Variants in DMD observed in about 807,000 individuals in gnomAD.
DMD encodes mutant dystrophin.
Under a neutral mutation model 330.1 loss-of-function variants are expected in DMD, and 63 were observed. The ratio of observed to expected loss-of-function variants is 0.19; its 90% CI spans 0.16 to 0.24. The LOEUF (loss-of-function observed/expected upper bound fraction) is 0.24. Among genes scored for constraint, DMD ranks in the 10% least tolerant of loss-of-function variants. The pLI, the probability that DMD is intolerant of heterozygous loss-of-function variation, is 1.00. For synonymous variants in DMD, 1,223 were observed against 959.8 expected (o/e 1.27, Z -5.07); for missense variants, 3,344 against 2,684.1 (o/e 1.25, Z -5.43).
chrX:33,199,077 G>GTGTTT (rs1369801085), intron 1 of DMD, among the ~76,000 whole-genome samples: 3 of 111,350 alleles, frequency 2.7e-5, no homozygotes, highest in Admixed American at 9.6e-5. Context: ...ATTTTTAAAT[G>GTGTTT]TGTTTTGTTT....
At chrX:32,860,027 T>C (rs1232335031) in intron 2 of DMD, among the ~76,000 whole-genome samples, 1 of 111,672 alleles carries the variant, frequency 9.0e-6, no homozygotes, top group Non-Finnish European at 1.9e-5. Flanking sequence ...TATATTGTCT[T>C]TGTTAACCCA....
chrX:32,727,250 G>T (rs1038134015), intron 7 of DMD, among the ~76,000 whole-genome samples: 3 of 111,444 alleles, frequency 2.7e-5, no homozygotes, highest in African/African-American at 9.7e-5. Context: ...GATTGGCTTA[G>T]ATTACACATT....
rs1208623169 is a variant in DMD, at chrX:31,679,590, G to A, written c.7661-4C>T. 4 of 1,194,878 alleles carry A rather than the reference G, an allele frequency of 3.3e-6. No homozygotes were observed. In the Admixed American group the frequency reaches 8.7e-5, roughly 26 times the overall value. Reference sequence around the variant, plus strand: ...CACTGATTCTGAATTCTTTCAACTAGAATAAAAGGAAAAATAAATATATAG... The same window carrying A: ...CACTGATTCTGAATTCTTTCAACTAAAATAAAAGGAAAAATAAATATATAG... On this transcript the variant is annotated splice_region_variant and splice_polypyrimidine_tract_variant and intron_variant, in intron 52 of 78. Coordinates refer to ENST00000357033, the MANE Select transcript of DMD (RefSeq NM_004006.3).
intron 41 of DMD, among the ~76,000 whole-genome samples, chrX:32,331,374 C>T (rs2097678737): frequency 9.0e-6 from 1 of 111,277 alleles, no homozygotes; most frequent in Admixed American, 9.6e-5. Flanking sequence ...TCATCTGATG[C>T]TAAAAATGAG....
intron 20 of DMD, among the ~76,000 whole-genome samples, chrX:32,487,375 T>A (rs1176477406): frequency 9.0e-6 from 1 of 111,530 alleles, no homozygotes; most frequent in African/African-American, 3.3e-5. Flanking sequence ...TACTTGAGGG[T>A]TAGTTACTAT....
chrX:31,810,419 T>G (rs1193863534), intron 50 of DMD, among the ~76,000 whole-genome samples: 2 of 111,984 alleles, frequency 1.8e-5, no homozygotes, highest in Non-Finnish European at 1.9e-5. Flanking sequence ...ACAGTAAGCA[T>G]AAATGTATTT....
chrX:31,940,097 G>C lies in DMD; in HGVS notation c.6615-7870C>G, dbSNP rs1371355095. Among the ~76,000 whole-genome samples, 7 of 111,609 alleles carry C rather than the reference G, an allele frequency of 6.3e-5. No homozygotes were observed. In the Admixed American group the frequency reaches 6.7e-4, roughly 11 times the overall value. Reference sequence around the variant, plus strand: ...GATTGGGAGGAAGGGGAGGCAGACAGTAAACAAGATAAAGAAATAAAATCT... The same window carrying C: ...GATTGGGAGGAAGGGGAGGCAGACACTAAACAAGATAAAGAAATAAAATCT... On this transcript the variant is annotated intron_variant, in intron 45 of 78. Coordinates refer to ENST00000357033, the MANE Select transcript of DMD (RefSeq NM_004006.3).
At chrX:32,251,314 G>A (rs776804241) in intron 43 of DMD, among the ~76,000 whole-genome samples, 2 of 111,299 alleles carry the variant, frequency 1.8e-5, no homozygotes, top group African/African-American at 6.5e-5. Flanking sequence ...GGTATCCCAC[G>A]TATGTATCTT....
At chrX:32,687,013 G>C (rs2062932037) in intron 9 of DMD, among the ~76,000 whole-genome samples, 1 of 112,060 alleles carries the variant, frequency 8.9e-6, no homozygotes, top group African/African-American at 3.2e-5. Flanking sequence ...AGAGGTTTCA[G>C]TGTCTACTTA....
intron 43 of DMD, among the ~76,000 whole-genome samples, chrX:32,239,848 TTCTATAGTC>T (rs1294453481): frequency 8.9e-6 from 1 of 112,095 alleles, no homozygotes; most frequent in Admixed American, 9.5e-5. Context: ...AAATACCACC[TTCTATAGTC>T]TCTTGTTCTT....
rs774922745 is a variant in DMD at position 31,163,260 on chromosome X, T to G, written c.10553+6183A>C. Among the ~76,000 whole-genome samples the G allele has an allele frequency of 1.5e-4, 17 of 111,197 alleles. No homozygotes were observed. In the South Asian group the frequency reaches 6.6e-3, roughly 43 times the overall value. On this transcript the variant is annotated intron_variant, in intron 74 of 78. Transcript: ENST00000357033. ...ATGGGGGTGGGGTTTTCCCATGCTGTTTTTGTGATAGTAACTCTCATGAGA... is the reference window on the plus strand; with the variant it reads ...ATGGGGGTGGGGTTTTCCCATGCTGGTTTTGTGATAGTAACTCTCATGAGA...
intron 1 of DMD, among the ~76,000 whole-genome samples, chrX:33,119,441 T>A (rs1782977249): frequency 8.9e-6 from 1 of 112,240 alleles, no homozygotes; most frequent in Admixed American, 9.5e-5. Context: ...CAAATACATA[T>A]TAAGCTACTA....
intron 44 of DMD, among the ~76,000 whole-genome samples, chrX:32,092,993 T>G (rs1344780082): frequency 9.0e-6 from 1 of 111,178 alleles, no homozygotes; most frequent in African/African-American, 3.3e-5. Context: ...AAGAATGTTC[T>G]CCCTTATATA....
chrX:32,658,635 C>A (rs774970837), intron 9 of DMD, among the ~76,000 whole-genome samples: 4 of 110,924 alleles, frequency 3.6e-5, no homozygotes, highest in Admixed American at 9.7e-5. Context: ...ATTATCTTTC[C>A]TCTCTCCAAT....
intron 2 of DMD, among the ~76,000 whole-genome samples, chrX:32,950,782 A>C (rs1240136331): frequency 8.9e-6 from 1 of 111,854 alleles, no homozygotes; most frequent in Non-Finnish European, 1.9e-5. Context: ...TGAACACAAA[A>C]GTGTCTTAAA....
chrX:32,208,688 G>A (rs1209144946), intron 44 of DMD, among the ~76,000 whole-genome samples: 1 of 112,112 alleles, frequency 8.9e-6, no homozygotes, highest in Non-Finnish European at 1.9e-5. Context: ...TTGAACTCAT[G>A]AGACTGTGAG....
At chrX:33,244,709 C>T (rs2052639057) in intron 1 of DMD, among the ~76,000 whole-genome samples, 1 of 111,587 alleles carries the variant, frequency 9.0e-6, no homozygotes, top group Non-Finnish European at 1.9e-5. Context: ...AATATCTAAC[C>T]TGTTTACAGG....
intron 5 of DMD, among the ~76,000 whole-genome samples, chrX:32,820,076 TCAGA>T (rs1205464481): frequency 9.0e-6 from 1 of 111,597 alleles, no homozygotes; most frequent in East Asian, 2.8e-4. Flanking sequence ...AAGAGAGGTC[TCAGA>T]CAAAGAAAGA....
chrX:31,303,572 C>T (rs2054813393), intron 62 of DMD, among the ~76,000 whole-genome samples: 1 of 111,549 alleles, frequency 9.0e-6, no homozygotes, highest in South Asian at 3.8e-4. Flanking sequence ...AAAAATCTCT[C>T]AAATCTATGC....
Sources: allele counts gnomAD v4.1 joint callset (sites outside exome capture counted in the v4.1 genomes callset), GRCh38; gene constraint gnomAD v4.1.1; transcripts MANE v1.5; gene names NCBI Gene and HGNC (gene_info 2026-07-23, HGNC 2026-07-21).